The following TIAM1 variants were observed in gnomAD, a reference collection of about 807,000 sequenced individuals.
TIAM1 encodes TIAM Rac1 associated GEF 1, also known as rho guanine nucleotide exchange factor TIAM1.
Under a neutral mutation model 163.5 loss-of-function variants are expected in TIAM1, and 65 were observed. The ratio of observed to expected loss-of-function variants is 0.40; its 90% CI spans 0.33 to 0.49. The LOEUF (loss-of-function observed/expected upper bound fraction) is 0.49. Among genes scored for constraint, TIAM1 ranks in the 20% least tolerant of loss-of-function variants. TIAM1 has a pLI of 0.77. For missense variants in TIAM1, 1,789 were observed against 2,044.7 expected, an observed-to-expected ratio of 0.87 and a Z score of 2.41; for synonymous variants, 833 against 810.1, an observed-to-expected ratio of 1.03 and a Z score of -0.48.
chr21:31,352,706 A>G (rs1159908133), intron 2 of TIAM1, among the ~76,000 whole-genome samples: 2 of 151,360 alleles, frequency 1.3e-5, no homozygotes, highest in African/African-American at 2.4e-5. Context: ...TAAATAGATA[A>G]ATAAATAAAT....
chr21:31,419,235 T>G (rs1432446696), intron 2 of TIAM1, among the ~76,000 whole-genome samples: 1 of 152,204 alleles, frequency 6.6e-6, no homozygotes, highest in Non-Finnish European at 1.5e-5. Flanking sequence ...TATTGCTAAT[T>G]CTCTTCAGCT....
At chr21:31,231,725 A>G (rs2088444580) in intron 6 of TIAM1, among the ~76,000 whole-genome samples, 1 of 152,152 alleles carries the variant, frequency 6.6e-6, no homozygotes, top group African/African-American at 2.4e-5. Flanking sequence ...ATGATGAAAA[A>G]GAGTTATGGG....
chr21:31,232,106 T>C (rs1031643032), intron 6 of TIAM1, among the ~76,000 whole-genome samples: 2 of 152,058 alleles, frequency 1.3e-5, no homozygotes, highest in Non-Finnish European at 2.9e-5. Flanking sequence ...TAAAAATGCC[T>C]AGATGGTAAA....
At chr21:31,227,984 C>G (rs1364494857) in intron 6 of TIAM1, among the ~76,000 whole-genome samples, 4 of 151,862 alleles carry the variant, frequency 2.6e-5, no homozygotes, top group Non-Finnish European at 1.5e-5. Context: ...TTCACTGCAA[C>G]CTCCGCCTCC....
intron 23 of TIAM1, among the ~76,000 whole-genome samples, chr21:31,133,734 T>C (rs1198345434): frequency 3.3e-5 from 5 of 152,234 alleles, no homozygotes; most frequent in Admixed American, 2.6e-4. Flanking sequence ...GCAAAGCATG[T>C]GGCCTCTTGG....
At chr21:31,507,179 A>ATTTTTTTTTTTTT (rs572356384) in intron 1 of TIAM1, among the ~76,000 whole-genome samples, 1 of 44,582 alleles carries the variant, frequency 2.2e-5, no homozygotes, top group African/African-American at 9.7e-5. Flanking sequence ...CACCTTTTTA[A>ATTTTTTTTTTTTT]TTTTTTTTTT....
Position 31,520,106 on chromosome 21 carries a change from G to A in TIAM1, c.-422+38821C>T, listed in dbSNP as rs546549455. Among the ~76,000 whole-genome samples the A allele has an allele frequency of 3.3e-5, 5 of 152,272 alleles. No individual in the cohort carries two copies. The South Asian group carries it at 6.2e-4, about 19-fold the overall frequency. ...AGCACTCTGGGAGGCTGAGGCACGC[G>A]GAGCACCTGAGGTCGGGAGTTCGAG... is the stretch of plus-strand genomic sequence containing the variant. On this transcript the variant is annotated intron_variant, in intron 1 of 28. Coordinates refer to the TIAM1 transcript ENST00000286827.
At chr21:31,310,892 G>A (rs977254427) in intron 2 of TIAM1, among the ~76,000 whole-genome samples, 13 of 152,202 alleles carry the variant, frequency 8.5e-5, no homozygotes, top group Non-Finnish European at 1.9e-4. Flanking sequence ...TATTTCTACA[G>A]CAAAGCATAC....
At chr21:31,511,765 G>A (rs558883666) in intron 1 of TIAM1, among the ~76,000 whole-genome samples, 2 of 152,268 alleles carry the variant, frequency 1.3e-5, no homozygotes, top group Non-Finnish European at 2.9e-5. Flanking sequence ...TTTGCAGAAA[G>A]GGAAAATGTA....
chr21:31,368,663 C>T (rs111349474), intron 2 of TIAM1, among the ~76,000 whole-genome samples: 2 of 152,222 alleles, frequency 1.3e-5, no homozygotes, highest in African/African-American at 4.8e-5. Context: ...CAGATTTGAC[C>T]GTCCCCAGTA....
chr21:31,327,548 G>A (rs1017645822), intron 2 of TIAM1, among the ~76,000 whole-genome samples: 27 of 147,746 alleles, frequency 1.8e-4, no homozygotes, highest in African/African-American at 6.7e-4. Context: ...GCTGAGGCAT[G>A]AGAATCGCTT....
chr21:31,437,504 A>G (rs76508366), intron 2 of TIAM1, among the ~76,000 whole-genome samples: 6 of 147,190 alleles, frequency 4.1e-5, no homozygotes, highest in African/African-American at 1.2e-4. Flanking sequence ...CCCTGTCTCA[A>G]AAAAAAAAAA....
At chr21:31,466,353 G>A (rs2045531936) in intron 1 of TIAM1, among the ~76,000 whole-genome samples, 1 of 152,178 alleles carries the variant, frequency 6.6e-6, no homozygotes, top group Admixed American at 6.5e-5. Context: ...GGTTGACTTA[G>A]ACAACAAGGA....
chr21:31,280,168 T>C (rs1232045317), intron 2 of TIAM1, among the ~76,000 whole-genome samples: 1 of 152,216 alleles, frequency 6.6e-6, no homozygotes, highest in East Asian at 1.9e-4. Context: ...GCATCCTTGA[T>C]ATGGTTTGGC....
At chr21:31,221,029 C>T (rs1417760773) in intron 8 of TIAM1, among the ~76,000 whole-genome samples, 1 of 152,072 alleles carries the variant, frequency 6.6e-6, no homozygotes, top group Non-Finnish European at 1.5e-5. Flanking sequence ...CTCCTCCTTC[C>T]TCCTCCCCCA....
rs547746052 is a variant in TIAM1, at chr21:31,235,956, G to A, written c.1584+9532C>T. 6.4e-4 allele frequency among the ~76,000 whole-genome samples: 98 copies of A among 152,306 alleles called. 2 individuals carry two copies. The South Asian group carries it at 0.02, about 31-fold the overall frequency. ...AGTCTCCTAAGAGGTAGGCAAGTGGGGCCCCTGCCAGGGCTCTGCACCTCA... is the reference window on the plus strand; with the variant it reads ...AGTCTCCTAAGAGGTAGGCAAGTGGAGCCCCTGCCAGGGCTCTGCACCTCA... On this transcript the variant is annotated intron_variant, in intron 6 of 27. Coordinates refer to ENST00000541036, the MANE Select transcript of TIAM1 (RefSeq NM_001353694.2).
intron 3 of TIAM1, 58 bp from the exon 4 acceptor site, chr21:31,267,041 A>G: frequency 6.6e-7 from 1 of 1,512,002 alleles, no homozygotes; most frequent in Admixed American, 2.1e-5. Context: ...AGGTATAGGC[A>G]TCTTAGAGAA....
intron 1 of TIAM1, among the ~76,000 whole-genome samples, chr21:31,555,232 GTACT>G (rs1275117557): frequency 4.0e-5 from 6 of 148,340 alleles, no homozygotes; most frequent in African/African-American, 1.5e-4. Flanking sequence ...ATAAAATGGA[GTACT>G]TAGAGATGAA....
In TIAM1 at chr21:31,358,144, C is replaced by T. The variant is rs546633260; in HGVS notation, c.-368-18722G>A. Among the ~76,000 whole-genome samples, 14 of 152,284 alleles carry T rather than the reference C, an allele frequency of 9.2e-5. No individual in the cohort carries two copies. In the East Asian group the frequency reaches 2.7e-3, roughly 29 times the overall value. ...GCAGGACCTGTCTCAGGGCAGAGGG[C>T]GGCATCCCAGGGTAGGCCATATCTG... On this transcript the variant is annotated intron_variant, in intron 2 of 28. Coordinates refer to the TIAM1 transcript ENST00000286827.
Sources: gnomAD v4.1 joint callset for allele counts (sites outside exome capture counted in the v4.1 genomes callset) on GRCh38, gnomAD v4.1.1 for gene constraint, MANE v1.5 for transcripts, NCBI Gene and HGNC (gene_info 2026-07-23, HGNC 2026-07-21) for gene names.